The following KPNA7 variants were observed in gnomAD, a reference collection of about 807,000 sequenced individuals.
KPNA7 encodes importin subunit alpha-8.
Under a neutral mutation model 53.7 loss-of-function variants are expected in KPNA7, and 54 were observed. The observed-to-expected ratio is 1.01, with a 90% CI of 0.81 to 1.26. The LOEUF is 1.26. Among genes scored for constraint, KPNA7 ranks in the 50% most tolerant of loss-of-function variants. The pLI is 0.00. For synonymous variants in KPNA7, 276 were observed against 259.3 expected (o/e 1.06, Z -0.62); for missense variants, 640 against 644.5 (o/e 0.99, Z 0.07).
rs755041223 is a variant in KPNA7, at chr7:99,188,321, G to T, written c.879C>A (p.Thr293=). The change falls in exon 7 of 11, where the codon ACC becomes ACA. Residue 293 remains threonine, a synonymous_variant. Coordinates refer to ENST00000327442, the MANE Select transcript of KPNA7 (RefSeq NM_001145715.3). ...GVLPRLVVLM[T]SSELNVLTPS... is the part of the protein sequence containing the mutation. ...TTACCAAGACATTGAGTTCTGAGCT[G>T]GTCATGAGCACTACCAGCCTGGGCA... is the stretch of plus-strand genomic sequence containing the variant. The T allele has an allele frequency of 6.4e-7, 1 of 1,551,456 alleles. No individual in the cohort carries two copies. Among genetic ancestry groups the T allele is most frequent in the South Asian group, 1.2e-5 (1 of 84,052 alleles).
chr7:99,157,876 G>A, the KPNA7 span, among the ~76,000 whole-genome samples: 6 of 152,098 alleles, frequency 3.9e-5, no homozygotes, highest in Non-Finnish European at 7.4e-5. Context: ...CTGGACTTAA[G>A]CAATCCTCCC....
chr7:99,174,791 C>CT (rs1798839926), intron 10 of KPNA7, among the ~76,000 whole-genome samples: 1 of 151,532 alleles, frequency 6.6e-6, no homozygotes, highest in Non-Finnish European at 1.5e-5. Flanking sequence ...ATCAAACCCC[C>CT]TTTAAAAGAG....
chr7:99,183,791 C>G (rs1230577759), intron 8 of KPNA7, among the ~76,000 whole-genome samples: 1 of 152,090 alleles, frequency 6.6e-6, no homozygotes, highest in Non-Finnish European at 1.5e-5. Context: ...AGAAAAATGC[C>G]AAGGATAGTC....
intron 9 of KPNA7, among the ~76,000 whole-genome samples, chr7:99,181,233 C>T (rs1262019687): frequency 1.3e-5 from 2 of 151,882 alleles, no homozygotes; most frequent in Admixed American, 6.6e-5. Context: ...GTCTGTCTTT[C>T]TCTGTCTCTG....
chr7:99,184,682 C>G (rs1343016027), intron 8 of KPNA7, among the ~76,000 whole-genome samples: 1 of 152,198 alleles, frequency 6.6e-6, no homozygotes, highest in Non-Finnish European at 1.5e-5. Context: ...CAAGAGCTTT[C>G]TGGATGTTTG....
At chr7:99,205,565 G>C (rs368605402) in intron 2 of KPNA7, among the ~76,000 whole-genome samples, 5 of 151,324 alleles carry the variant, frequency 3.3e-5, no homozygotes, top group Non-Finnish European at 7.4e-5. Context: ...TACAGAGATG[G>C]GGGGCTGGGA....
intron 1 of KPNA7, among the ~76,000 whole-genome samples, chr7:99,215,425 T>C (rs79039973): frequency 0.095 from 8,147 of 86,138 alleles, 299 homozygotes; most frequent in South Asian, 0.26. Context: ...TCAAACCAAA[T>C]ATCACAGGAA....
At chr7:99,199,529 C>T (rs935913525) in intron 3 of KPNA7, among the ~76,000 whole-genome samples, 1 of 152,138 alleles carries the variant, frequency 6.6e-6, no homozygotes, top group Non-Finnish European at 1.5e-5. Flanking sequence ...GCTGGTACAA[C>T]TATGTATCAC....
At position 99,199,922 on chromosome 7, in the gene KPNA7, A is replaced by AT. The variant is rs141444544; in HGVS notation, c.201+3183dup. Among the ~76,000 whole-genome samples, 838 of 149,988 alleles carry AT rather than the reference A, an allele frequency of 5.6e-3. 7 individuals carry two copies. The highest frequency in any genetic ancestry group is 0.02 in the African/African-American group (805 of 41,128). On this transcript the variant is annotated intron_variant, in intron 3 of 10. Coordinates refer to ENST00000327442, the MANE Select transcript of KPNA7 (RefSeq NM_001145715.3). ...ACTTAAAAATGGACAAAGGGCTGGA[A>AT]TTTTTTTTTTGGTGGGGGGACACAG...
chr7:99,207,780 C>T (rs1381237426), intron 1 of KPNA7, among the ~76,000 whole-genome samples: 3 of 151,278 alleles, frequency 2.0e-5, no homozygotes, highest in Non-Finnish European at 4.4e-5. Context: ...GGACTATAGG[C>T]GCCTGCCACC....
At chr7:99,173,340 C>T (rs1354297708), downstream of KPNA7, among the ~76,000 whole-genome samples, 9 of 152,104 alleles carry the variant, frequency 5.9e-5, no homozygotes, top group East Asian at 1.8e-3. Context: ...TACAGGCATG[C>T]GTCACCATGC....
At chr7:99,190,950 A>G (rs145719522) in intron 6 of KPNA7, among the ~76,000 whole-genome samples, 108 of 152,158 alleles carry the variant, frequency 7.1e-4, no homozygotes, top group African/African-American at 2.4e-3. Flanking sequence ...CTCTGCTGCA[A>G]TGGTGTCTCC....
Position 99,207,389 on chromosome 7 carries a change from C to T in KPNA7, c.66+12G>A, listed in dbSNP as rs1047378905. The T allele has an allele frequency of 1.9e-6, 3 of 1,550,730 alleles. No individual in the cohort carries two copies. The highest frequency in any genetic ancestry group is 1.4e-5 in the African/African-American group (1 of 73,052). ...GGTCCCCAATAGAAGCAGGTGGGTGCTTCATACTCACAGACACATCTTTGC... is the reference window on the plus strand; with the variant it reads ...GGTCCCCAATAGAAGCAGGTGGGTGTTTCATACTCACAGACACATCTTTGC... On this transcript the variant is annotated intron_variant, in intron 2 of 10. Coordinates refer to ENST00000327442, the MANE Select transcript of KPNA7 (RefSeq NM_001145715.3).
At chr7:99,182,688 G>T (rs13243515) in intron 8 of KPNA7, among the ~76,000 whole-genome samples, 15,113 of 152,174 alleles carry the variant, frequency 0.099, 891 homozygotes, top group African/African-American at 0.16. Flanking sequence ...AAGAAGGCAG[G>T]AGACTCAGGT....
intron 10 of KPNA7, among the ~76,000 whole-genome samples, chr7:99,175,521 A>T (rs145969950): frequency 4.7e-3 from 361 of 77,042 alleles, no homozygotes; most frequent in South Asian, 0.012. Flanking sequence ...TTATTTATTT[A>T]TTATTTATTT....
rs529316887 is a variant in KPNA7 at position 99,216,814 on chromosome 7, G to A, written c.-23-9325C>T. ...TGACCTCAGGTGATCCGCCCGCCTTGGCCTCCCAAAGTGCTGGGATTACAG... is the reference window on the plus strand; with the variant it reads ...TGACCTCAGGTGATCCGCCCGCCTTAGCCTCCCAAAGTGCTGGGATTACAG... On this transcript the variant is annotated intron_variant, in intron 1 of 10. Transcript: ENST00000681060. Among the ~76,000 whole-genome samples the A allele has an allele frequency of 2.2e-4, 33 of 151,864 alleles. No homozygotes were observed. In the East Asian group the frequency reaches 2.3e-3, roughly 11 times the overall value.
intron 3 of KPNA7, among the ~76,000 whole-genome samples, chr7:99,198,982 CAATTT>C (rs1249265785): frequency 1.7e-5 from 2 of 117,278 alleles, no homozygotes; most frequent in African/African-American, 3.2e-5. Context: ...CAAAATAAAG[CAATTT>C]AATTTACAAC....
chr7:99,171,390 C>T (rs770337825), downstream of KPNA7, among the ~76,000 whole-genome samples: 1 of 151,912 alleles, frequency 6.6e-6, no homozygotes, highest in Non-Finnish European at 1.5e-5. Context: ...CGCTTGATCC[C>T]AGGAATTCAA....
intron 1 of KPNA7, among the ~76,000 whole-genome samples, chr7:99,216,526 G>A (rs768524027): frequency 1.1e-4 from 16 of 151,584 alleles, no homozygotes; most frequent in Non-Finnish European, 2.4e-4. Flanking sequence ...ACCCTACCAT[G>A]CCCAAGGTCC....
Sources: allele counts gnomAD v4.1 joint callset (sites outside exome capture counted in the v4.1 genomes callset), GRCh38; gene constraint gnomAD v4.1.1; transcripts MANE v1.5; gene names NCBI Gene and HGNC (gene_info 2026-07-23, HGNC 2026-07-21).